POR: variants seen among roughly 807,000 people sequenced by gnomAD.
POR encodes the protein NADPH--cytochrome P450 reductase.
POR carries 56 observed loss-of-function variants against 84.0 expected under a neutral mutation model. The observed-to-expected ratio is 0.67, with a 90% CI of 0.54 to 0.83. The LOEUF (loss-of-function observed/expected upper bound fraction) is 0.83. POR is among the 40% of genes least tolerant of loss of function. POR has a pLI of 0.00. For missense variants in POR, 938 were observed against 944.3 expected (o/e 0.99, Z 0.09); for synonymous variants, 414 against 400.5 (o/e 1.03, Z -0.40).
intron 1 of POR, among the ~76,000 whole-genome samples, chr7:75,928,477 G>A (rs115962545): frequency 2.0e-5 from 3 of 152,344 alleles, no homozygotes; most frequent in South Asian, 2.1e-4. Context: ...AGGAAGTCAC[G>A]TATGTCACTT....
chr7:75,944,183 A>G lies in POR; in HGVS notation c.-4-9806A>G, dbSNP rs561086769. On this transcript the variant is annotated intron_variant, in intron 1 of 15. Transcript: ENST00000461988. ...GGAGACTGAATCTCGCCTGACAGCA[A>G]TGAACTGATACCTTCCTTCCCTATA... Among the ~76,000 whole-genome samples the G allele has an allele frequency of 1.4e-4, 22 of 152,272 alleles. No individual in the cohort carries two copies. The East Asian group carries it at 3.9e-3, about 27-fold the overall frequency.
At chr7:75,975,821 T>TTTTTTTTTTC (rs1380196828) in intron 3 of POR, among the ~76,000 whole-genome samples, 3 of 141,004 alleles carry the variant, frequency 2.1e-5, no homozygotes, top group African/African-American at 7.9e-5. Context: ...CAGATTTTTT[T>TTTTTTTTTTC]TTTTTTTTTT....
At chr7:75,929,187 C>T (rs1401669043) in intron 1 of POR, among the ~76,000 whole-genome samples, 1 of 152,140 alleles carries the variant, frequency 6.6e-6, no homozygotes, top group Non-Finnish European at 1.5e-5. Context: ...CCCTACTGCC[C>T]ACATTCTAGA....
At chr7:75,963,585 C>T (rs1788044977) in intron 2 of POR, among the ~76,000 whole-genome samples, 1 of 152,188 alleles carries the variant, frequency 6.6e-6, no homozygotes, top group Non-Finnish European at 1.5e-5. Context: ...GGAGAGGGAG[C>T]TGTGGATGGC....
At chr7:75,966,138 T>G (rs1412989683) in intron 2 of POR, among the ~76,000 whole-genome samples, 7 of 152,112 alleles carry the variant, frequency 4.6e-5, no homozygotes, top group Admixed American at 3.3e-4. Context: ...ATAGAAAGCT[T>G]CTTGAATGCT....
At chr7:75,967,978 G>C (rs1006707259) in intron 2 of POR, 10 of 451,942 alleles carry the variant, frequency 2.2e-5, no homozygotes, top group Non-Finnish European at 4.4e-5. Flanking sequence ...ACGGAACAGG[G>C]GATGCACAGG....
chr7:75,975,912 A>G (rs1267815041), intron 3 of POR, among the ~76,000 whole-genome samples: 1 of 136,116 alleles, frequency 7.3e-6, no homozygotes, highest in Non-Finnish European at 1.5e-5. Flanking sequence ...GTGGCCTCCC[A>G]GGGTACTGGG....
intron 2 of POR, among the ~76,000 whole-genome samples, chr7:75,955,455 GA>G (rs1207584607): frequency 6.6e-6 from 1 of 152,198 alleles, no homozygotes; most frequent in Non-Finnish European, 1.5e-5. Flanking sequence ...CCTGCGGCCA[GA>G]ATTACTTCCT....
chr7:75,954,734 A>G (rs1253609608), intron 2 of POR, among the ~76,000 whole-genome samples: 2 of 145,744 alleles, frequency 1.4e-5, no homozygotes, highest in African/African-American at 5.1e-5. Flanking sequence ...TTGAAGCAGA[A>G]TCTTGTTCTT....
intron 1 of POR, among the ~76,000 whole-genome samples, chr7:75,941,524 G>A (rs1009821834): frequency 6.6e-6 from 1 of 152,118 alleles, no homozygotes; most frequent in Non-Finnish European, 1.5e-5. Flanking sequence ...ACAGAGCTCC[G>A]GTAACTAGGT....
intron 2 of POR, among the ~76,000 whole-genome samples, chr7:75,955,943 C>G (rs1383545948): frequency 6.6e-6 from 1 of 152,184 alleles, no homozygotes; most frequent in Non-Finnish European, 1.5e-5. Context: ...CACCGTAAAG[C>G]AGATATTCAC....
chr7:75,980,544 G>A, intron 5 of POR, 56 bp downstream of exon 5: 3 of 1,612,408 alleles, frequency 1.9e-6, no homozygotes, highest in South Asian at 1.1e-5. Context: ...CCTCCCTGGG[G>A]ACTCCAGATC....
At chr7:75,935,669 GTT>G (rs1459563147) in intron 1 of POR, among the ~76,000 whole-genome samples, 5 of 131,710 alleles carry the variant, frequency 3.8e-5, no homozygotes, top group African/African-American at 1.1e-4. Flanking sequence ...GTGTGTGTGT[GTT>G]TCAAAGACAG....
intron 6 of POR, 98 bp from the exon 7 acceptor site, chr7:75,981,419 C>T: frequency 7.8e-7 from 1 of 1,290,238 alleles, no homozygotes; most frequent in Non-Finnish European, 1.1e-6. Context: ...CAGTCCTGAG[C>T]TTTGGGGATG....
At chr7:75,976,415 C>A (rs1464186263) in intron 3 of POR, among the ~76,000 whole-genome samples, 1 of 148,734 alleles carries the variant, frequency 6.7e-6, no homozygotes, top group Non-Finnish European at 1.5e-5. Context: ...TGCACTCCAG[C>A]CTGGCCAACA....
chr7:75,981,770 G>T lies in POR; in HGVS notation c.731+164G>T, dbSNP rs560877245. ...CCCAGCCAAGGACTCACTCTGCCAC[G>T]TTGCTCTGCACTGCCCTGGGGCAGC... On this transcript the variant is annotated intron_variant, in intron 7 of 15. Transcript: ENST00000461988. 6.4e-4 allele frequency: 404 copies of T among 630,876 alleles called. 8 individuals are homozygous for T. The highest frequency in any genetic ancestry group is 2.2e-3 in the South Asian group (107 of 49,408). 39.1% of individuals were successfully genotyped at this position (630,876 alleles called of 1,614,324 possible).
chr7:75,921,310 A>G (rs1211573197), intron 1 of POR: 1 of 144,416 alleles, frequency 6.9e-6, no homozygotes, highest in African/African-American at 2.5e-5. Context: ...TCTGTTGTTC[A>G]GAGTGCAGTG....
chr7:75,972,482 T>C (rs782475738), intron 3 of POR, 21 bp downstream of exon 3: 7 of 1,590,926 alleles, frequency 4.4e-6, no homozygotes, highest in Non-Finnish European at 6.0e-6. Flanking sequence ...TGCATGTCTT[T>C]ACTCTTCTCA....
At chr7:75,916,054 A>G (rs1806550755) in intron 1 of POR, among the ~76,000 whole-genome samples, 1 of 152,120 alleles carries the variant, frequency 6.6e-6, no homozygotes, top group Non-Finnish European at 1.5e-5. Flanking sequence ...AAGCTGGAGA[A>G]TGATGCCAGC....
Sources: allele counts gnomAD v4.1 joint callset (sites outside exome capture counted in the v4.1 genomes callset), GRCh38; gene constraint gnomAD v4.1.1; transcripts MANE v1.5; gene names NCBI Gene and HGNC (gene_info 2026-07-23, HGNC 2026-07-21).